GNA12: variants seen among roughly 807,000 people sequenced by gnomAD.
The protein encoded by GNA12 is G protein subunit alpha 12.
Under a neutral mutation model 26.0 loss-of-function variants are expected in GNA12, and 9 were observed. The ratio of observed to expected loss-of-function variants is 0.35; its 90% CI spans 0.21 to 0.60. The LOEUF (loss-of-function observed/expected upper bound fraction) is 0.60. Among genes scored for constraint, GNA12 ranks in the 20% least tolerant of loss-of-function variants. GNA12 has a pLI of 0.78. For missense variants in GNA12, 405 were observed against 525.8 expected (o/e 0.77, Z 2.25); for synonymous variants, 264 against 219.6 (o/e 1.20, Z -1.79).
intron 2 of GNA12, among the ~76,000 whole-genome samples, chr7:2,755,281 A>G (rs778012287): frequency 2.0e-5 from 3 of 152,158 alleles, no homozygotes; most frequent in Non-Finnish European, 2.9e-5. Context: ...AATCACATCC[A>G]TGTCTACAAA....
At chr7:2,789,988 G>C (rs771115773) in intron 2 of GNA12, among the ~76,000 whole-genome samples, 26 of 152,240 alleles carry the variant, frequency 1.7e-4, no homozygotes, top group Non-Finnish European at 3.8e-4. Context: ...TTCTGTGCTT[G>C]CATCCACGTG....
intron 2 of GNA12, chr7:2,762,681 A>G: frequency 1.9e-6 from 3 of 1,589,064 alleles, no homozygotes; most frequent in Non-Finnish European, 2.6e-6. Context: ...ATTTGGAAAG[A>G]AACCACGCTG....
Position 2,758,670 on chromosome 7 carries a change from C to G in GNA12, c.526-25169G>C, listed in dbSNP as rs780305297. 4.2e-4 allele frequency among the ~76,000 whole-genome samples: 64 copies of G among 152,314 alleles called. 1 individual carries two copies. Among genetic ancestry groups the G allele is most frequent in the South Asian group, 8.3e-4 (4 of 4,818 alleles). On this transcript the variant is annotated intron_variant, in intron 2 of 3. Transcript: ENST00000275364. ...GGCCCCCACAGCACACTTGGAGGAA[C>G]CCCTGTGCTAGAGAGGTTGGTGCCT...
intron 1 of GNA12, among the ~76,000 whole-genome samples, chr7:2,826,192 C>T (rs577026063): frequency 6.6e-6 from 1 of 152,126 alleles, no homozygotes; most frequent in East Asian, 1.9e-4. Flanking sequence ...GCCAGGCCAA[C>T]ATGGTGAAAC....
chr7:2,767,869 G>T (rs75488128), intron 2 of GNA12, among the ~76,000 whole-genome samples: 4,354 of 152,114 alleles, frequency 0.029, 156 homozygotes, highest in African/African-American at 0.081. Flanking sequence ...TTTTATTTTA[G>T]TTTTTGAGAC....
intron 1 of GNA12, among the ~76,000 whole-genome samples, 172 bp downstream of exon 1, chr7:2,843,681 C>T (rs1779072450): frequency 6.7e-6 from 1 of 149,922 alleles, no homozygotes. Flanking sequence ...AGAGACGACG[C>T]CAGCAGGCCT....
intron 1 of GNA12, among the ~76,000 whole-genome samples, chr7:2,826,557 A>T (rs1793489662): frequency 6.6e-6 from 1 of 152,214 alleles, no homozygotes; most frequent in Non-Finnish European, 1.5e-5. Flanking sequence ...TCAGCAGGTA[A>T]ATGGATAAAC....
chr7:2,731,490 G>T lies in GNA12; in HGVS notation c.837C>A (p.Thr279=), dbSNP rs570479193. The T allele has an allele frequency of 1.2e-6, 2 of 1,613,730 alleles. No homozygotes were observed. The highest frequency in any genetic ancestry group is 1.3e-5 in the African/African-American group (1 of 74,904). ...TGAAGAAGAGCTTGTTGTTGACGAT[G>T]GTCTCGAAGATGTTCATGGACTCCA... ...RLVESMNIFE[T]IVNNKLFFNV... The change falls in exon 4 of 4, where the codon ACC becomes ACA. Residue 279 remains threonine (T), a synonymous_variant. Transcript: ENST00000275364. The surrounding 1 kb of genome is among the most constrained non-coding windows in gnomAD (Gnocchi z 6.0).
At chr7:2,759,187 AT>A (rs1791443854) in intron 2 of GNA12, among the ~76,000 whole-genome samples, 1 of 149,122 alleles carries the variant, frequency 6.7e-6, no homozygotes, top group Admixed American at 6.6e-5. Context: ...AAATAAATAA[AT>A]AAAATAAAAA....
chr7:2,736,058 C>G (rs74452570), intron 2 of GNA12, among the ~76,000 whole-genome samples: 1 of 152,188 alleles, frequency 6.6e-6, no homozygotes, highest in Non-Finnish European at 1.5e-5. Flanking sequence ...TCGTTTGCGA[C>G]GGACTCCTCA....
At chr7:2,790,999 A>T (rs1169099215) in intron 2 of GNA12, among the ~76,000 whole-genome samples, 1 of 152,184 alleles carries the variant, frequency 6.6e-6, no homozygotes, top group African/African-American at 2.4e-5. Context: ...AAGGTAAAGA[A>T]ATAAATGGTA....
chr7:2,837,227 G>A (rs1298588122), intron 1 of GNA12, among the ~76,000 whole-genome samples: 1 of 152,062 alleles, frequency 6.6e-6, no homozygotes, highest in Non-Finnish European at 1.5e-5. Context: ...GTGGGAGGGG[G>A]GAAGGCTGGA....
intron 1 of GNA12, among the ~76,000 whole-genome samples, chr7:2,816,582 A>G (rs957627470): frequency 6.6e-6 from 1 of 152,198 alleles, no homozygotes; most frequent in Admixed American, 6.5e-5. Flanking sequence ...ATTTCCATAA[A>G]TTCTTAAAAA....
chr7:2,744,079 T>C (rs1172251739), intron 2 of GNA12, among the ~76,000 whole-genome samples: 1 of 152,196 alleles, frequency 6.6e-6, no homozygotes, highest in African/African-American at 2.4e-5. Context: ...CCTCTGTAGG[T>C]TCCCCCTCTG....
In GNA12 at chr7:2,775,919, T is replaced by A. The variant is rs1401025825; in HGVS notation, c.525+19009A>T. ...GTACTGTGGAAAAGGTCCGTACAGC[T>A]AGGCTTAATGCAGCCATTCTGCCTG... On this transcript the variant is annotated intron_variant, in intron 2 of 3. Transcript: ENST00000275364. Among the ~76,000 whole-genome samples, 3 of 152,324 alleles carry A rather than the reference T, an allele frequency of 2.0e-5. No homozygotes were observed. The East Asian group carries it at 5.8e-4, about 29-fold the overall frequency.
At chr7:2,787,709 C>T (rs1189937444) in intron 2 of GNA12, among the ~76,000 whole-genome samples, 1 of 152,164 alleles carries the variant, frequency 6.6e-6, no homozygotes, top group Admixed American at 6.5e-5. Context: ...GGCCAGGCAT[C>T]GGGAAGGGGG....
intron 2 of GNA12, among the ~76,000 whole-genome samples, chr7:2,783,686 ATTTATTTATTTATTTT>A (rs1162727836): frequency 2.3e-4 from 26 of 114,832 alleles, no homozygotes; most frequent in Middle Eastern, 4.2e-3. Flanking sequence ...TTATTTATTT[ATTTATTTATTTATTTT>A]GAGATGTAGT....
chr7:2,808,022 C>T (rs1792990932), intron 1 of GNA12, among the ~76,000 whole-genome samples: 1 of 152,226 alleles, frequency 6.6e-6, no homozygotes. Context: ...ACTTAGGACT[C>T]AGGCTGCTGC....
intron 1 of GNA12, among the ~76,000 whole-genome samples, chr7:2,795,457 C>T (rs764339890): frequency 1.3e-5 from 2 of 151,954 alleles, no homozygotes; most frequent in African/African-American, 2.4e-5. Context: ...AGAGCAAGAC[C>T]CTGCTTCTAC....
Sources: allele counts gnomAD v4.1 joint callset (sites outside exome capture counted in the v4.1 genomes callset), GRCh38; gene constraint gnomAD v4.1.1; non-coding constraint Gnocchi (gnomAD v3.1); transcripts MANE v1.5; gene names NCBI Gene and HGNC (gene_info 2026-07-23, HGNC 2026-07-21).